The following ASAP3 variants were observed in gnomAD, a reference collection of about 807,000 sequenced individuals.
ASAP3 encodes the protein arf-GAP with SH3 domain, ANK repeat and PH domain-containing protein 3.
A neutral mutation model predicts 118.2 loss-of-function variants in ASAP3; 85 were observed. The ratio of observed to expected loss-of-function variants is 0.72; its 90% confidence interval spans 0.60 to 0.86. The LOEUF is 0.86. Among genes scored for constraint, ASAP3 ranks in the 40% least tolerant of loss-of-function variants. ASAP3 has a pLI of 0.00. For synonymous variants in ASAP3, 432 were observed against 477.4 expected (o/e 0.90, Z 1.24); for missense variants, 1,026 against 1,175.0 (o/e 0.87, Z 1.85).
intron 1 of ASAP3, among the ~76,000 whole-genome samples, chr1:23,466,197 G>A (rs567873490): frequency 2.4e-3 from 368 of 152,332 alleles, no homozygotes; most frequent in African/African-American, 8.5e-3. Flanking sequence ...CATTTCTAAG[G>A]AAGAACAGGC....
chr1:23,460,878 T>C (rs1007087043), intron 1 of ASAP3, among the ~76,000 whole-genome samples: 1 of 152,170 alleles, frequency 6.6e-6, no homozygotes, highest in African/African-American at 2.4e-5. Flanking sequence ...ATATTATTCA[T>C]CACTGAAAAG....
In ASAP3 at chr1:23,436,110, GCTCT is replaced by G. The variant is rs1318785849; in HGVS notation, c.1572-86_1572-83del. ...CTGGGGCCCTCCCACAGGAGATACA[GCTCT>G]CTTTTTCTCCAGAACCATGTCCTGA... On this transcript the variant is annotated intron_variant, in intron 16 of 24. Coordinates refer to ENST00000336689, the MANE Select transcript of ASAP3 (RefSeq NM_017707.4). This position sits in a 1 kb window ranked among gnomAD's most constrained non-coding sequence, Gnocchi z 4.2. The G allele has an allele frequency of 4.7e-6, 7 of 1,473,826 alleles. No homozygotes were observed. The Admixed American group carries it at 1.2e-4, about 25-fold the overall frequency. 91.3% of individuals were successfully genotyped at this position (1,473,826 alleles called of 1,614,324 possible). A position where few individuals can be genotyped will look rare whatever the true frequency, so the allele number is the denominator to read the frequency against.
chr1:23,431,594 G>C, intron 23 of ASAP3, 102 bp downstream of exon 23: 1 of 1,136,106 alleles, frequency 8.8e-7, no homozygotes, highest in Non-Finnish European at 1.2e-6. Context: ...GATGGCGTGT[G>C]ACCCAGTCTT....
Position 23,429,794 on chromosome 1 carries a change from A to T in ASAP3, c.*62T>A. On this transcript the variant is annotated 3_prime_UTR_variant, in exon 25 of 25. Coordinates refer to ENST00000336689, the MANE Select transcript of ASAP3 (RefSeq NM_017707.4). ...AATGTCTCAGCTCCCCAGTTTTGTG[A>T]GCTCAAGTCCCAGCTCTGAACATTG... 1 of 1,526,534 alleles carries T rather than the reference A, an allele frequency of 6.6e-7. No individual in the cohort carries two copies. Among genetic ancestry groups the T allele is most frequent in the Non-Finnish European group, 9.0e-7 (1 of 1,114,958 alleles). The allele number at this position is 1,526,534 out of a possible 1,614,324, so 94.6% of individuals were successfully genotyped here.
At chr1:23,474,525 T>C (rs2148660910) in intron 1 of ASAP3, among the ~76,000 whole-genome samples, 1 of 152,290 alleles carries the variant, frequency 6.6e-6, no homozygotes, top group East Asian at 1.9e-4. Flanking sequence ...GGCTTGGGTC[T>C]GGGCCTTCTT....
intron 1 of ASAP3, among the ~76,000 whole-genome samples, chr1:23,474,263 G>A (rs1184558957): frequency 6.6e-6 from 1 of 152,066 alleles, no homozygotes; most frequent in Non-Finnish European, 1.5e-5. Context: ...CCATAAATCT[G>A]CTCTTAAGGT....
At chr1:23,432,237 C>T (rs1241938463) in intron 22 of ASAP3, among the ~76,000 whole-genome samples, 3 of 152,090 alleles carry the variant, frequency 2.0e-5, no homozygotes, top group African/African-American at 2.4e-5. Flanking sequence ...AAAATCCTTA[C>T]CTGGGGTGAT....
intron 1 of ASAP3, among the ~76,000 whole-genome samples, chr1:23,465,823 G>A (rs1044137453): frequency 7.2e-5 from 11 of 152,144 alleles, no homozygotes; most frequent in Middle Eastern, 3.4e-3. Flanking sequence ...TTTAAATCCA[G>A]GACTAGCCAA....
intron 17 of ASAP3, 100 bp downstream of exon 17, chr1:23,435,751 G>T: frequency 1.5e-6 from 2 of 1,336,438 alleles, no homozygotes; most frequent in Non-Finnish European, 2.2e-6. Context: ...CTGAGCAGAT[G>T]TCAGAGGTGG....
intron 1 of ASAP3, among the ~76,000 whole-genome samples, chr1:23,483,181 G>C (rs552492125): frequency 6.6e-6 from 1 of 152,362 alleles, no homozygotes; most frequent in East Asian, 1.9e-4. Context: ...AGGGTGGAAG[G>C]CTAGAGCCGT....
At position 23,452,336 on chromosome 1, in the gene ASAP3, G is replaced by A. The variant is rs561420365; in HGVS notation, c.423+361C>T. ...AAAGCAGCTCGAGTATGGGATTCAG[G>A]ATCCCTGGATTCCCACATGGGCTCT... On this transcript the variant is annotated intron_variant, in intron 4 of 24. Transcript: ENST00000336689. Among the ~76,000 whole-genome samples, 7 of 152,304 alleles carry A rather than the reference G, an allele frequency of 4.6e-5. No individual in the cohort carries two copies. The South Asian group carries it at 1.4e-3, about 32-fold the overall frequency.
intron 22 of ASAP3, 74 bp downstream of exon 22, chr1:23,433,003 C>T: frequency 6.4e-7 from 1 of 1,555,430 alleles, no homozygotes; most frequent in East Asian, 2.2e-5. Context: ...CATATGCACT[C>T]AGCTCAGTGC....
Position 23,436,068 on chromosome 1 carries a change from G to C in ASAP3, c.1572-40C>G. ...CACAGGATCTCAGAGCATGGACCGT[G>C]TCTGCCCAGCTGATCCCTGGGGCCC... On this transcript the variant is annotated intron_variant, in intron 16 of 24. Coordinates refer to ENST00000336689, the MANE Select transcript of ASAP3 (RefSeq NM_017707.4). This position sits in a 1 kb window ranked among gnomAD's most constrained non-coding sequence, Gnocchi z 4.2. 6.2e-7 allele frequency: 1 copy of C among 1,607,158 alleles called. No homozygotes were observed. Among genetic ancestry groups the C allele is most frequent in the Non-Finnish European group, 8.5e-7 (1 of 1,174,134 alleles).
In ASAP3 at chr1:23,455,897, G is replaced by A. The variant is rs759839502; in HGVS notation, c.332C>T (p.Ala111Val). ...GGGCCTCACCAGGTTCTTGAAGAGC[G>A]CAGCAACCTCGCGGGTGAACACGGC... ...NLAVFTREVA[A>V]LFKNLIQNLN... Residue 111 changes from alanine to valine, a missense_variant, in exon 3 of 25, where the codon GCG becomes GTG. Transcript: ENST00000336689. The A allele has an allele frequency of 1.5e-5, 25 of 1,614,020 alleles. No individual in the cohort carries two copies. Among genetic ancestry groups the A allele is most frequent in the Non-Finnish European group, 1.9e-5 (23 of 1,180,018 alleles).
upstream of ASAP3, chr1:23,484,337 G>T (rs1029330237): frequency 9.5e-6 from 4 of 422,370 alleles, no homozygotes; most frequent in East Asian, 1.6e-4. Context: ...TTCCTCCACC[G>T]CCAAGGTCCA....
chr1:23,455,115 A>G (rs1233578317), intron 3 of ASAP3, among the ~76,000 whole-genome samples: 1 of 152,218 alleles, frequency 6.6e-6, no homozygotes. Context: ...CTCTGGAGCC[A>G]GACAACCTGG....
At position 23,428,934 on chromosome 1, in the gene ASAP3, T is replaced by A. The variant is rs559482014; in HGVS notation, c.*922A>T. ...CCCTCCCAATTCTATTACTCTCCCT[T>A]CTTTCTTTGCCTCTCCATTCCCTCA... On this transcript the variant is annotated 3_prime_UTR_variant, in exon 25 of 25. Transcript: ENST00000336689. The A allele has an allele frequency of 2.6e-4, 40 of 154,964 alleles. No individual in the cohort carries two copies. The highest frequency in any genetic ancestry group is 2.3e-3 in the Admixed American group (35 of 15,316). The allele number at this position is 154,964 out of a possible 1,614,324, so 9.6% of individuals were successfully genotyped here.
At chr1:23,457,525 A>G (rs926969142) in intron 1 of ASAP3, among the ~76,000 whole-genome samples, 3 of 151,718 alleles carry the variant, frequency 2.0e-5, no homozygotes, top group Admixed American at 2.0e-4. Context: ...CAAGTTGCCT[A>G]TTTTTTTTGA....
At chr1:23,434,671 A>G in intron 17 of ASAP3, 53 bp from the exon 18 acceptor site, 1 of 1,548,096 alleles carries the variant, frequency 6.5e-7, no homozygotes, top group South Asian at 1.1e-5. Flanking sequence ...CCTGCCTCCA[A>G]CCCAGTATTT....
Sources: allele counts gnomAD v4.1 joint callset (sites outside exome capture counted in the v4.1 genomes callset), GRCh38; gene constraint gnomAD v4.1.1; non-coding constraint Gnocchi (gnomAD v3.1); transcripts MANE v1.5; gene names NCBI Gene and HGNC (gene_info 2026-07-23, HGNC 2026-07-21).